RBFOX1: variants seen among roughly 807,000 people sequenced by gnomAD.
RBFOX1 encodes RNA binding fox-1 homolog 1, also known as RNA binding protein fox-1 homolog 1.
In RBFOX1, 8 loss-of-function variants were observed where a neutral mutation model predicts 57.7. The observed-to-expected ratio is 0.14, with a 90% confidence interval of 0.08 to 0.25. The LOEUF (loss-of-function observed/expected upper bound fraction) is 0.25, where lower values mean the gene tolerates loss of function less well. Among genes scored for constraint, RBFOX1 ranks in the 10% least tolerant of loss-of-function variants. The pLI, the probability that RBFOX1 is intolerant of heterozygous loss-of-function variation, is 1.00. For synonymous variants in RBFOX1, 326 were observed against 222.4 expected (o/e 1.47, Z -4.15); for missense variants, 611 against 548.5 (o/e 1.11, Z -1.14).
rs111505844 is a variant in RBFOX1, at chr16:6,353,139, A to C, written c.-64+36082A>C. Among the ~76,000 whole-genome samples, 1,074 of 152,204 alleles carry C rather than the reference A, an allele frequency of 7.1e-3. 9 individuals are homozygous for C. Among genetic ancestry groups the C allele is most frequent in the African/African-American group, 0.023 (941 of 41,526 alleles). On this transcript the variant is annotated intron_variant, in intron 2 of 15. Transcript: ENST00000550418. ...GTGAGGAAGGCTAAATCCGCCTCCT[A>C]TAAACCTGGGAGCCATAGTTCCATT...
intron 1 of RBFOX1, among the ~76,000 whole-genome samples, chr16:6,191,626 C>G (rs182505623): frequency 6.6e-6 from 1 of 152,194 alleles, no homozygotes; most frequent in East Asian, 1.9e-4. Context: ...GGTAAGAAAA[C>G]AAGAGTAATC....
In RBFOX1 at chr16:5,946,528, C is replaced by G. The variant is rs568890083; in HGVS notation, c.351+79193C>G. On this transcript the variant is annotated intron_variant, in intron 4 of 19. Transcript: ENST00000641259. The surrounding 1 kb of genome is among the most constrained non-coding windows in gnomAD (Gnocchi z 4.6). ...GGAGAGGACATGGAAGTTCTACGCC[C>G]TTCCCCGTATCTCACTCTATGCATA... Among the ~76,000 whole-genome samples the G allele has an allele frequency of 6.6e-6, 1 of 151,154 alleles. No homozygotes were observed. Among genetic ancestry groups the G allele is most frequent in the East Asian group, 2.0e-4 (1 of 5,080 alleles).
intron 2 of RBFOX1, among the ~76,000 whole-genome samples, chr16:6,342,443 C>G (rs2084708181): frequency 6.6e-6 from 1 of 152,124 alleles, no homozygotes; most frequent in Admixed American, 6.5e-5. Context: ...AGGTGCTTAG[C>G]ATAGACTAGC....
intron 3 of RBFOX1, among the ~76,000 whole-genome samples, chr16:5,801,022 A>T (rs2055039054): frequency 6.6e-6 from 1 of 152,162 alleles, no homozygotes; most frequent in Admixed American, 6.5e-5. Flanking sequence ...CTTCTACCCC[A>T]GGAGCCCTCT....
At chr16:5,467,174 T>TTCTCTCTC (rs34212245) in intron 1 of RBFOX1, 79 of 1,264,604 alleles carry the variant, frequency 6.2e-5, no homozygotes, top group Middle Eastern at 3.9e-4. Context: ...TCAATGTTTC[T>TTCTCTCTC]TCTCTCTCTC....
chr16:6,668,253 T>G (rs2098744610), intron 3 of RBFOX1, among the ~76,000 whole-genome samples: 3 of 152,168 alleles, frequency 2.0e-5, no homozygotes, highest in African/African-American at 2.4e-5. Context: ...ATGAGGAGTC[T>G]GAGATTGTGG....
intron 1 of RBFOX1, among the ~76,000 whole-genome samples, chr16:6,297,583 G>T (rs560632856): frequency 1.3e-5 from 2 of 152,136 alleles, no homozygotes; most frequent in South Asian, 4.1e-4. Context: ...GAAGAGGGCA[G>T]TTCCTTGGCA....
intron 1 of RBFOX1, among the ~76,000 whole-genome samples, chr16:6,181,053 A>C (rs539893010): frequency 6.6e-6 from 1 of 152,232 alleles, no homozygotes; most frequent in South Asian, 2.1e-4. Context: ...AATCTTTCCA[A>C]GTATTTAGAC....
intron 7 of RBFOX1, among the ~76,000 whole-genome samples, chr16:7,589,445 A>T (rs1165791037): frequency 3.9e-5 from 6 of 152,048 alleles, no homozygotes; most frequent in Admixed American, 2.0e-4. Context: ...GGCTTCAGGA[A>T]AAAGACCATT....
At chr16:6,636,293 C>G (rs1160216738) in intron 2 of RBFOX1, among the ~76,000 whole-genome samples, 1 of 152,092 alleles carries the variant, frequency 6.6e-6, no homozygotes, top group African/African-American at 2.4e-5. Context: ...GCCTCAGCCT[C>G]CCGAGTAGCT....
intron 4 of RBFOX1, among the ~76,000 whole-genome samples, chr16:7,058,369 C>G (rs916914147): frequency 1.3e-5 from 2 of 152,046 alleles, no homozygotes; most frequent in African/African-American, 4.8e-5. Context: ...GAGCCTCCAG[C>G]CCCAGAGCAT....
At chr16:6,084,945 G>T (rs1045640708) in intron 1 of RBFOX1, among the ~76,000 whole-genome samples, 2 of 152,170 alleles carry the variant, frequency 1.3e-5, no homozygotes, top group African/African-American at 4.8e-5. Flanking sequence ...GTGAGGAAAA[G>T]GAAAAAAAGA....
chr16:5,991,645 G>GTTTTTTTTTTTTTTTTTT, intron 4 of RBFOX1, among the ~76,000 whole-genome samples: 1 of 123,934 alleles, frequency 8.1e-6, no homozygotes, highest in Non-Finnish European at 1.8e-5. Context: ...TTATTAGATA[G>GTTTTTTTTTTTTTTTTTT]TTTTTTTTTT....
At chr16:5,403,445 G>T (rs545016013) in intron 1 of RBFOX1, among the ~76,000 whole-genome samples, 4 of 151,892 alleles carry the variant, frequency 2.6e-5, no homozygotes, top group Non-Finnish European at 1.5e-5. Context: ...TGATGTTTCT[G>T]TTTCTGTTTG....
intron 3 of RBFOX1, among the ~76,000 whole-genome samples, chr16:6,862,017 C>T (rs1220774112): frequency 6.6e-6 from 1 of 151,878 alleles, no homozygotes; most frequent in African/African-American, 2.4e-5. Flanking sequence ...GTGTGTAAGA[C>T]AAACTCGATA....
chr16:6,548,910 T>C (rs1009856055), intron 2 of RBFOX1, among the ~76,000 whole-genome samples: 1 of 151,518 alleles, frequency 6.6e-6, no homozygotes, highest in African/African-American at 2.4e-5. Context: ...ACCCCATCTC[T>C]ACTAAAAGTA....
rs541132001 is a variant in RBFOX1 at position 6,520,732 on chromosome 16, A to T, written c.-63-133871A>T. Among the ~76,000 whole-genome samples the T allele has an allele frequency of 4.6e-5, 7 of 152,282 alleles. No homozygotes were observed. The East Asian group carries it at 1.4e-3, about 29-fold the overall frequency. ...GATCCAGACACCCTTAGAACCTCTA[A>T]GTGGCTTCGTTTCGATCAAGTGCCA... On this transcript the variant is annotated intron_variant, in intron 2 of 15. Coordinates refer to ENST00000550418, the MANE Select transcript of RBFOX1 (RefSeq NM_018723.4).
intron 3 of RBFOX1, among the ~76,000 whole-genome samples, chr16:5,818,779 TGAGCATTG>T: frequency 6.6e-6 from 1 of 152,306 alleles, no homozygotes; most frequent in South Asian, 2.1e-4. Context: ...ATGTCTCCCC[TGAGCATTG>T]GATCCCTGTG....
intron 3 of RBFOX1, among the ~76,000 whole-genome samples, chr16:6,740,169 C>G (rs2071621824): frequency 6.6e-6 from 1 of 152,166 alleles, no homozygotes; most frequent in Non-Finnish European, 1.5e-5. Context: ...AGAAAAATCA[C>G]ATGCTCACAT....
Sources: allele counts gnomAD v4.1 joint callset (sites outside exome capture counted in the v4.1 genomes callset), GRCh38; gene constraint gnomAD v4.1.1; non-coding constraint Gnocchi (gnomAD v3.1); transcripts MANE v1.5; gene names NCBI Gene and HGNC (gene_info 2026-07-23, HGNC 2026-07-21).